The following NYAP2 variants were observed in gnomAD, a reference collection of about 807,000 sequenced individuals.
The protein encoded by NYAP2 is neuronal tyrosine-phosphorylated phosphoinositide-3-kinase adapter 2.
A neutral mutation model predicts 50.4 loss-of-function variants in NYAP2; 23 were observed. The observed-to-expected ratio is 0.46, with a 90% CI of 0.33 to 0.65. The LOEUF is 0.65. Ranked by LOEUF, NYAP2 falls within the 30% of genes least tolerant of loss-of-function variation. The pLI, the probability that NYAP2 is intolerant of heterozygous loss-of-function variation, is 0.02. For missense variants in NYAP2, 885 were observed against 861.0 expected (o/e 1.03, Z -0.35); for synonymous variants, 394 against 365.2 (o/e 1.08, Z -0.90).
intron 6 of NYAP2, among the ~76,000 whole-genome samples, chr2:225,627,467 G>A (rs1020560803): frequency 6.6e-6 from 1 of 152,130 alleles, no homozygotes; most frequent in African/African-American, 2.4e-5. Flanking sequence ...GAGTAATTTA[G>A]AATTTATGCT....
intron 3 of NYAP2, among the ~76,000 whole-genome samples, chr2:225,490,472 G>T (rs1039140256): frequency 2.0e-5 from 3 of 152,216 alleles, no homozygotes; most frequent in African/African-American, 7.2e-5. Flanking sequence ...CCAGCTTTGA[G>T]AAAGACTGGG....
intron 4 of NYAP2, among the ~76,000 whole-genome samples, chr2:225,576,261 C>T (rs758857161): frequency 1.3e-5 from 2 of 152,202 alleles, no homozygotes; most frequent in Non-Finnish European, 2.9e-5. Flanking sequence ...AAATGTTCAT[C>T]TGAGTTCTCT....
chr2:225,627,234 CAGAG>C (rs1693226725), intron 6 of NYAP2, 108 bp downstream of exon 6: 2 of 824,916 alleles, frequency 2.4e-6, no homozygotes, highest in Non-Finnish European at 4.0e-6. Flanking sequence ...TGTCTGCACA[CAGAG>C]AGGCACCACA....
At chr2:225,510,512 C>G (rs1316556419) in intron 3 of NYAP2, among the ~76,000 whole-genome samples, 1 of 152,188 alleles carries the variant, frequency 6.6e-6, no homozygotes. Context: ...ATGTTCCTAG[C>G]AAATTCAGAA....
chr2:225,696,208 T>C, the NYAP2 span, among the ~76,000 whole-genome samples: 1 of 152,004 alleles, frequency 6.6e-6, no homozygotes, highest in Non-Finnish European at 1.5e-5. Context: ...TATCATTTAT[T>C]AGCTGTGACC....
chr2:225,514,886 A>G (rs1021455040), intron 4 of NYAP2, among the ~76,000 whole-genome samples: 2 of 152,166 alleles, frequency 1.3e-5, no homozygotes, highest in Non-Finnish European at 2.9e-5. Flanking sequence ...AGAGAGCCAC[A>G]TGGTCCTTTC....
At chr2:225,420,990 A>G (rs1261769416) in intron 3 of NYAP2, among the ~76,000 whole-genome samples, 1 of 150,002 alleles carries the variant, frequency 6.7e-6, no homozygotes, top group African/African-American at 2.5e-5. Flanking sequence ...TGGCACAATC[A>G]TGGCTCACTG....
chr2:225,559,925 G>GTTC (rs1691843887), intron 4 of NYAP2, among the ~76,000 whole-genome samples: 1 of 151,986 alleles, frequency 6.6e-6, no homozygotes, highest in Non-Finnish European at 1.5e-5. Context: ...TGTTGGAGAA[G>GTTC]ATATTGCCTG....
intron 5 of NYAP2, among the ~76,000 whole-genome samples, chr2:225,614,338 G>C (rs539027071): frequency 2.0e-4 from 30 of 152,170 alleles, no homozygotes; most frequent in Admixed American, 1.2e-3. Context: ...AGATTTGGGG[G>C]TTTTGCTACT....
chr2:225,455,462 T>G (rs1466003920), intron 3 of NYAP2, among the ~76,000 whole-genome samples: 1 of 152,214 alleles, frequency 6.6e-6, no homozygotes. Context: ...GTGGCTCCCC[T>G]TCAATATACA....
intron 3 of NYAP2, among the ~76,000 whole-genome samples, chr2:225,484,437 A>G (rs1251219498): frequency 6.6e-6 from 1 of 152,218 alleles, no homozygotes; most frequent in Non-Finnish European, 1.5e-5. Context: ...GACATAGTTT[A>G]TCATTTTATC....
At position 225,582,568 on chromosome 2, in the gene NYAP2, C is replaced by G. The variant is rs1692309950; in HGVS notation, c.1151C>G (p.Pro384Arg). The change falls in exon 5 of 7, where the codon CCG (proline) becomes CGG (arginine). Residue 384 changes from proline (P) to arginine (R), a missense_variant. By Grantham distance (103) the Pro-to-Arg change is moderately radical. Coordinates refer to ENST00000636099, the Ensembl canonical transcript of NYAP2. This position sits in a 1 kb window ranked among gnomAD's most constrained non-coding sequence, Gnocchi z 7.0. Reference sequence around the variant, plus strand: ...GCCGGGGCGTCGCCCTCCACGCTGCCGTCCCACGTCCCCGGCCATGCGAAA... The same window carrying G: ...GCCGGGGCGTCGCCCTCCACGCTGCGGTCCCACGTCCCCGGCCATGCGAAA... The G allele has an allele frequency of 6.3e-7, 1 of 1,589,486 alleles. No individual in the cohort carries two copies. Among genetic ancestry groups the G allele is most frequent in the African/African-American group, 1.4e-5 (1 of 74,056 alleles).
chr2:225,545,746 T>C (rs1293712831), intron 4 of NYAP2, among the ~76,000 whole-genome samples: 1 of 152,194 alleles, frequency 6.6e-6, no homozygotes, highest in African/African-American at 2.4e-5. Flanking sequence ...GTCTTTCTCC[T>C]GTCGATATCT....
intron 3 of NYAP2, among the ~76,000 whole-genome samples, chr2:225,437,194 G>A (rs1689393066): frequency 6.6e-6 from 1 of 152,022 alleles, no homozygotes; most frequent in Non-Finnish European, 1.5e-5. Context: ...GTAGTGGGCT[G>A]GACTGGAGCA....
chr2:225,577,765 C>A (rs1291294978), intron 4 of NYAP2, among the ~76,000 whole-genome samples: 1 of 151,210 alleles, frequency 6.6e-6, no homozygotes, highest in Non-Finnish European at 1.5e-5. Context: ...CCTCGAAGAA[C>A]CATGAGATTA....
Position 225,627,136 on chromosome 2 carries a change from A to G in NYAP2, c.1828+10A>G. Reference sequence around the variant, plus strand: ...GGAAACCACAGTTCAGGTAAGGCAGATTATGATCTTCCAGAAGGTAATTCC... The same window carrying G: ...GGAAACCACAGTTCAGGTAAGGCAGGTTATGATCTTCCAGAAGGTAATTCC... On this transcript the variant is annotated intron_variant, in intron 6 of 6. Coordinates refer to ENST00000636099, the Ensembl canonical transcript of NYAP2. The G allele has an allele frequency of 6.4e-7, 1 of 1,566,108 alleles. No homozygotes were observed. Among genetic ancestry groups the G allele is most frequent in the South Asian group, 1.2e-5 (1 of 85,160 alleles).
At chr2:225,504,835 C>T (rs1354541132) in intron 3 of NYAP2, among the ~76,000 whole-genome samples, 1 of 151,850 alleles carries the variant, frequency 6.6e-6, no homozygotes, top group East Asian at 1.9e-4. Context: ...TGGTGAAATC[C>T]CGTCTCTACT....
At chr2:225,616,441 G>T (rs1054244659) in intron 5 of NYAP2, among the ~76,000 whole-genome samples, 3 of 152,174 alleles carry the variant, frequency 2.0e-5, no homozygotes, top group Non-Finnish European at 4.4e-5. Context: ...CCCAGCACTT[G>T]CCTGGGCTTG....
At chr2:225,679,361 T>C in the NYAP2 span, among the ~76,000 whole-genome samples, 1 of 152,276 alleles carries the variant, frequency 6.6e-6, no homozygotes, top group South Asian at 2.1e-4. Context: ...ACCTACAATG[T>C]TCATTAATGC....
Sources: gnomAD v4.1 joint callset for allele counts (sites outside exome capture counted in the v4.1 genomes callset) on GRCh38, gnomAD v4.1.1 for gene constraint, Gnocchi (gnomAD v3.1) non-coding constraint, MANE v1.5 for transcripts, NCBI Gene and HGNC (gene_info 2026-07-23, HGNC 2026-07-21) for gene names.